CFAP44: variants seen among roughly 807,000 people sequenced by gnomAD.
CFAP44 encodes cilia- and flagella-associated protein 44.
A neutral mutation model predicts 216.2 loss-of-function variants in CFAP44; 134 were observed. The observed-to-expected ratio is 0.62, with a 90% confidence interval of 0.54 to 0.72. CFAP44 has a LOEUF of 0.72. CFAP44 is among the 30% of genes least tolerant of loss of function. The pLI is 0.00. For synonymous variants in CFAP44, 700 were observed against 727.6 expected (o/e 0.96, Z 0.61); for missense variants, 2,035 against 2,182.1 (o/e 0.93, Z 1.34).
intron 34 of CFAP44, among the ~76,000 whole-genome samples, chr3:113,292,662 C>G (rs894870417): frequency 6.6e-6 from 1 of 152,194 alleles, no homozygotes; most frequent in Non-Finnish European, 1.5e-5. Context: ...CTAGCCAAGT[C>G]AAGCTGGAAG....
At chr3:113,424,367 C>T (rs1184809898) in intron 4 of CFAP44, among the ~76,000 whole-genome samples, 2 of 152,048 alleles carry the variant, frequency 1.3e-5, no homozygotes, top group African/African-American at 2.4e-5. Context: ...ACCCGGCAGG[C>T]GGAGGTTGCA....
At chr3:113,321,767 T>C (rs907312483) in intron 28 of CFAP44, among the ~76,000 whole-genome samples, 1 of 152,028 alleles carries the variant, frequency 6.6e-6, no homozygotes, top group South Asian at 2.1e-4. Flanking sequence ...CCACTTACAA[T>C]AGTGACAATA....
chr3:113,415,851 G>T (rs992017113), intron 6 of CFAP44, among the ~76,000 whole-genome samples: 4 of 152,064 alleles, frequency 2.6e-5, no homozygotes, highest in African/African-American at 9.7e-5. Flanking sequence ...TTGGAGTAGG[G>T]GAGAGCTCTG....
chr3:113,363,452 C>A lies in CFAP44; in HGVS notation c.2771+25G>T. 3 of 1,603,194 alleles carry A rather than the reference C, an allele frequency of 1.9e-6. No homozygotes were observed. The South Asian group carries it at 3.4e-5, about 18-fold the overall frequency. ...TGTTTTGCAAAATCTCAGGCCTAGT[C>A]AGTATTTATCAAAAATTCCCATACC... On this transcript the variant is annotated intron_variant, in intron 20 of 34. Coordinates refer to ENST00000393845, the MANE Select transcript of CFAP44 (RefSeq NM_001164496.2).
At chr3:113,346,906 T>G (rs550172001) in intron 22 of CFAP44, among the ~76,000 whole-genome samples, 16 of 152,284 alleles carry the variant, frequency 1.1e-4, no homozygotes, top group African/African-American at 3.4e-4. Context: ...TGCTCACTCT[T>G]TGGGTCCACA....
At chr3:113,404,193 A>G (rs921100690) in intron 8 of CFAP44, 177 bp from the exon 9 acceptor site, 12 of 673,422 alleles carry the variant, frequency 1.8e-5, no homozygotes, top group Non-Finnish European at 2.8e-5. Flanking sequence ...ACAACTACCA[A>G]TAACATTTTG....
chr3:113,399,985 T>C lies in CFAP44; in HGVS notation c.1490A>G (p.Tyr497Cys), dbSNP rs1934099113. ...CAAAGGAGTTTTGCTAGCAAAATCA[T>C]AGATTCGAACAGAGCCTATAGAAAG... ...TTALDCSVRIYDFASKTPLAQ... is the reference protein window; with the variant it reads ...TTALDCSVRICDFASKTPLAQ... Residue 497 changes from tyrosine (Y) to cysteine (C), a missense_variant, in exon 13 of 35, where the codon TAT becomes TGT. Physicochemically the swap from Tyr to Cys is radical, Grantham distance 194. This residue lies in a region of CFAP44 where 1,883 missense variants were observed against 2,023.7 expected (regional missense o/e 0.93). Transcript: ENST00000393845. The C allele has an allele frequency of 2.5e-6, 4 of 1,601,504 alleles. No homozygotes were observed. The highest frequency in any genetic ancestry group is 3.4e-6 in the Non-Finnish European group (4 of 1,174,898).
intron 25 of CFAP44, 40 bp from the exon 26 acceptor site, chr3:113,330,708 C>T: frequency 6.7e-7 from 1 of 1,491,540 alleles, no homozygotes; most frequent in Non-Finnish European, 8.9e-7. Flanking sequence ...GTACAACCCT[C>T]TGACAAATAA....
At chr3:113,312,341 C>T (rs1322530067) in intron 28 of CFAP44, among the ~76,000 whole-genome samples, 1 of 151,462 alleles carries the variant, frequency 6.6e-6, no homozygotes, top group Non-Finnish European at 1.5e-5. Flanking sequence ...CCTCAGCCTC[C>T]CAAAGTGCTG....
intron 5 of CFAP44, among the ~76,000 whole-genome samples, chr3:113,418,638 C>A (rs1186289226): frequency 6.6e-6 from 1 of 152,138 alleles, no homozygotes; most frequent in African/African-American, 2.4e-5. Flanking sequence ...GAAGAAAAGG[C>A]CTTGTGGACA....
At chr3:113,415,303 C>A (rs1056417706) in intron 6 of CFAP44, among the ~76,000 whole-genome samples, 1 of 151,430 alleles carries the variant, frequency 6.6e-6, no homozygotes, top group Non-Finnish European at 1.5e-5. Context: ...TTAATTTTTT[C>A]AAAAAAACAG....
At chr3:113,392,704 A>C (rs1196183237) in intron 15 of CFAP44, among the ~76,000 whole-genome samples, 1 of 149,014 alleles carries the variant, frequency 6.7e-6, no homozygotes, top group African/African-American at 2.4e-5. Context: ...ATCCACAAAA[A>C]TTACAAATAA....
intron 21 of CFAP44, 154 bp downstream of exon 21, chr3:113,362,991 T>G: frequency 3.6e-6 from 5 of 1,377,992 alleles, no homozygotes; most frequent in South Asian, 4.0e-5. Context: ...ACATACAAAT[T>G]AAAAGATGCC....
chr3:113,316,577 T>A (rs1367282789), intron 28 of CFAP44, among the ~76,000 whole-genome samples: 3 of 151,962 alleles, frequency 2.0e-5, no homozygotes, highest in Non-Finnish European at 4.4e-5. Flanking sequence ...GTTACCAATA[T>A]GAAGAATACA....
At chr3:113,433,217 T>G (rs1371726992) in intron 2 of CFAP44, among the ~76,000 whole-genome samples, 1 of 151,438 alleles carries the variant, frequency 6.6e-6, no homozygotes, top group Non-Finnish European at 1.5e-5. Flanking sequence ...TCACCTGAGG[T>G]CAGGAGTTCG....
intron 8 of CFAP44, among the ~76,000 whole-genome samples, chr3:113,406,581 G>A (rs552245530): frequency 6.0e-5 from 9 of 150,256 alleles, no homozygotes; most frequent in South Asian, 2.1e-4. Flanking sequence ...CGGAGATCGC[G>A]CCACTGCACT....
In CFAP44 at chr3:113,420,039, C is replaced by A; in HGVS notation, c.548G>T (p.Gly183Val). 6.2e-7 allele frequency: 1 copy of A among 1,613,614 alleles called. No individual in the cohort carries two copies. The change falls in exon 5 of 35, where the codon GGT becomes GTT. Residue 183 changes from glycine (G) to valine (V), a missense_variant. By Grantham distance (109) the Gly-to-Val change is moderately radical (BLOSUM62 -3). Around this residue, in one of 3 missense-constraint regions of CFAP44, gnomAD observed 1,883 missense variants for 2,023.7 expected, o/e 0.93. Coordinates refer to ENST00000393845, the MANE Select transcript of CFAP44 (RefSeq NM_001164496.2). Reference protein sequence around the residue: ...KEQIYLRSSSGEGIGVIGVHP... With the variant: ...KEQIYLRSSSVEGIGVIGVHP... The stretch of plus-strand genomic sequence containing the variant: ...TACCCCAATGACGCCAATTCCTTCA[C>A]CACTGCTACTTCGCAGGTAGATCTG...
At chr3:113,307,501 C>CAAA (rs1949997635) in intron 29 of CFAP44, among the ~76,000 whole-genome samples, 4 of 152,204 alleles carry the variant, frequency 2.6e-5, no homozygotes, top group Admixed American at 2.0e-4. Flanking sequence ...TTTCTTTTCC[C>CAAA]ATAGTATGTA....
chr3:113,395,881 C>T (rs371972695), intron 14 of CFAP44, 21 bp from the exon 15 acceptor site: 247 of 1,554,588 alleles, frequency 1.6e-4, no homozygotes, highest in East Asian at 2.5e-4. Flanking sequence ...AGAGACACAC[C>T]GACGAAATAT....
Sources: gnomAD v4.1 joint callset for allele counts (sites outside exome capture counted in the v4.1 genomes callset) on GRCh38, gnomAD v4.1.1 for gene constraint, gnomAD v4.1.1 regional missense constraint, MANE v1.5 for transcripts, NCBI Gene and HGNC (gene_info 2026-07-23, HGNC 2026-07-21) for gene names.